Variants in SPG21 observed in about 807,000 individuals in gnomAD.
The protein encoded by SPG21 is SPG21 abhydrolase domain containing, maspardin.
A neutral mutation model predicts 38.9 loss-of-function variants in SPG21; 26 were observed. The observed-to-expected ratio is 0.67, with a 90% CI of 0.49 to 0.93. The LOEUF (loss-of-function observed/expected upper bound fraction) is 0.93. Among genes scored for constraint, SPG21 ranks in the 40% least tolerant of loss-of-function variants. SPG21 has a pLI of 0.00. For missense variants in SPG21, 333 were observed against 376.5 expected (o/e 0.88, Z 0.96); for synonymous variants, 136 against 128.9 (o/e 1.05, Z -0.37).
At chr15:64,986,759 T>C (rs868042554) in intron 1 of SPG21, among the ~76,000 whole-genome samples, 5 of 152,240 alleles carry the variant, frequency 3.3e-5, no homozygotes, top group African/African-American at 9.6e-5. Context: ...ATTTTAACTA[T>C]AGGCTTTCTC....
chr15:64,984,884 G>A (rs2085958796), intron 1 of SPG21, among the ~76,000 whole-genome samples: 1 of 151,882 alleles, frequency 6.6e-6, no homozygotes. Context: ...TGAGTAGCTG[G>A]GATTACAGGC....
intron 1 of SPG21, among the ~76,000 whole-genome samples, chr15:64,984,676 C>G (rs745751496): frequency 2.6e-5 from 4 of 151,682 alleles, no homozygotes; most frequent in Non-Finnish European, 4.4e-5. Context: ...TAAGTTAAGC[C>G]TGCTTCCTGA....
intron 7 of SPG21, among the ~76,000 whole-genome samples, chr15:64,968,387 T>C (rs2085589561): frequency 6.7e-6 from 1 of 149,708 alleles, no homozygotes; most frequent in South Asian, 2.1e-4. Flanking sequence ...GACACATGTA[T>C]AACATTTCAA....
rs751773312 is a variant in SPG21 at position 64,983,605 on chromosome 15, G to C, written c.-24-12C>G. ...AATGGAGGTTAATCCTGAAATAAAA[G>C]CATGTGATATTTCACGTCAAGAATT... On this transcript the variant is annotated splice_polypyrimidine_tract_variant and intron_variant, in intron 1 of 8. Transcript: ENST00000204566. The C allele has an allele frequency of 4.2e-6, 6 of 1,443,206 alleles. No homozygotes were observed. The highest frequency in any genetic ancestry group is 2.4e-5 in the South Asian group (2 of 82,444). The allele number at this position is 1,443,206 out of a possible 1,614,324, so 89.4% of individuals were successfully genotyped here.
rs1360643976 is a variant in SPG21 at position 64,974,718 on chromosome 15, G to C, written c.336C>G (p.Gly112=). ...ATTCAGCAAATTTCTGGGCCAAAAA[G>C]CCTCCCAAAGAAGCGCCAAAAAGAT... is the stretch of plus-strand genomic sequence containing the variant. ...KVHLFGASLG[G]FLAQKFAEYT... is the part of the protein sequence containing the mutation. Residue 112 remains glycine, a synonymous_variant, in exon 5 of 9, where the codon GGC becomes GGG. Coordinates refer to ENST00000204566, the MANE Select transcript of SPG21 (RefSeq NM_016630.7). 3.1e-6 allele frequency: 5 copies of C among 1,613,942 alleles called. No homozygotes were observed. The African/African-American group carries it at 4.0e-5, about 13-fold the overall frequency.
chr15:64,977,824 C>CT (rs771768926), intron 3 of SPG21, among the ~76,000 whole-genome samples: 6 of 151,362 alleles, frequency 4.0e-5, no homozygotes, highest in African/African-American at 9.7e-5. Flanking sequence ...CTAAGAATTC[C>CT]TTTTTTTTGT....
intron 1 of SPG21, among the ~76,000 whole-genome samples, chr15:64,986,211 C>G (rs762091962): frequency 6.6e-6 from 1 of 151,018 alleles, no homozygotes; most frequent in East Asian, 2.0e-4. Context: ...ACTAAAAATA[C>G]AAAAATTAGC....
At chr15:64,971,793 T>A (rs1469350881) in intron 5 of SPG21, among the ~76,000 whole-genome samples, 1 of 148,630 alleles carries the variant, frequency 6.7e-6, no homozygotes, top group Non-Finnish European at 1.5e-5. Flanking sequence ...AACGTGCCAC[T>A]GCACTCCAGC....
chr15:64,963,544 C>T lies in SPG21; in HGVS notation c.*76G>A, dbSNP rs1595864777. On this transcript the variant is annotated 3_prime_UTR_variant, in exon 9 of 9. Transcript: ENST00000204566. Reference sequence around the variant, plus strand: ...AGCCTGACGAACCTGAAGGAAAAGGCTGGCTGACGGGTGCTGATGCCACTG... The same window carrying T: ...AGCCTGACGAACCTGAAGGAAAAGGTTGGCTGACGGGTGCTGATGCCACTG... 4 of 1,250,680 alleles carry T rather than the reference C, an allele frequency of 3.2e-6. No individual in the cohort carries two copies. Among genetic ancestry groups the T allele is most frequent in the Non-Finnish European group, 4.7e-6 (4 of 854,570 alleles). 77.5% of individuals were successfully genotyped at this position (1,250,680 alleles called of 1,614,324 possible). A position where few individuals can be genotyped will look rare whatever the true frequency, so the allele number is the denominator to read the frequency against.
rs955263062 is a variant in SPG21, at chr15:64,980,268, G to A, written c.225+596C>T. ...GTAAAGAAGGACAACGCTTCCTACCGCTCTGAGTTGAGAGAAGGGCGTCAG... is the reference window on the plus strand; with the variant it reads ...GTAAAGAAGGACAACGCTTCCTACCACTCTGAGTTGAGAGAAGGGCGTCAG... On this transcript the variant is annotated intron_variant, in intron 3 of 8. Coordinates refer to ENST00000204566, the MANE Select transcript of SPG21 (RefSeq NM_016630.7). Among the ~76,000 whole-genome samples, 10 of 152,092 alleles carry A rather than the reference G, an allele frequency of 6.6e-5. No individual in the cohort carries two copies. The East Asian group carries it at 7.7e-4, about 12-fold the overall frequency.
intron 4 of SPG21, among the ~76,000 whole-genome samples, chr15:64,975,362 T>TA (rs1413512443): frequency 3.6e-5 from 5 of 138,352 alleles, no homozygotes; most frequent in Non-Finnish European, 7.9e-5. Flanking sequence ...AAGGCCTGTA[T>TA]ACTAAAAATA....
At chr15:64,975,188 T>C (rs2085750054) in intron 4 of SPG21, among the ~76,000 whole-genome samples, 1 of 150,338 alleles carries the variant, frequency 6.7e-6, no homozygotes, top group African/African-American at 2.5e-5. Context: ...CTCGGGAGGC[T>C]GAGGCAGCAG....
At chr15:64,974,489 G>A in intron 5 of SPG21, 113 bp downstream of exon 5, 1 of 1,300,774 alleles carries the variant, frequency 7.7e-7, no homozygotes. Context: ...AAAAAGCCAA[G>A]GAAGTTGCAG....
intron 5 of SPG21, among the ~76,000 whole-genome samples, chr15:64,972,222 TTTC>T (rs1236199898): frequency 6.6e-6 from 1 of 152,142 alleles, no homozygotes; most frequent in African/African-American, 2.4e-5. Flanking sequence ...GCCCCATCAC[TTTC>T]TTATCTTTTG....
intron 5 of SPG21, among the ~76,000 whole-genome samples, chr15:64,972,759 G>A (rs1316949595): frequency 1.3e-5 from 2 of 152,200 alleles, no homozygotes; most frequent in Non-Finnish European, 2.9e-5. Context: ...GTGAACCTGG[G>A]AGGCAGAGCT....
Position 64,980,805 on chromosome 15 carries a change from A to C in SPG21, c.225+59T>G, listed in dbSNP as rs370022244. 6.4e-4 allele frequency: 1,000 copies of C among 1,570,902 alleles called. 3 individuals are homozygous for C. Among genetic ancestry groups the C allele is most frequent in the Admixed American group, 6.9e-4 (40 of 58,314 alleles). ...ATTACTATAGCTGATGAGAGACAGAAGCATAAAAAAAAAAAAACACACAAA... is the reference window on the plus strand; with the variant it reads ...ATTACTATAGCTGATGAGAGACAGACGCATAAAAAAAAAAAAACACACAAA... On this transcript the variant is annotated intron_variant, in intron 3 of 8. Transcript: ENST00000204566.
intron 5 of SPG21, among the ~76,000 whole-genome samples, chr15:64,973,681 T>G (rs1319088247): frequency 3.3e-5 from 5 of 152,170 alleles, no homozygotes; most frequent in African/African-American, 1.2e-4. Context: ...ACTCCCGACC[T>G]CAGGTGATCC....
chr15:64,967,989 C>T (rs72740684), intron 7 of SPG21, among the ~76,000 whole-genome samples: 2,751 of 152,210 alleles, frequency 0.018, 31 homozygotes, highest in Admixed American at 0.024. Flanking sequence ...TGACCACTGA[C>T]GGATGAATGG....
chr15:64,970,576 T>A (rs1249918482), intron 5 of SPG21, among the ~76,000 whole-genome samples: 1 of 152,228 alleles, frequency 6.6e-6, no homozygotes, highest in Non-Finnish European at 1.5e-5. Flanking sequence ...AGAGAAGTAT[T>A]CTTTCCTTCT....
Sources: gnomAD v4.1 joint callset for allele counts (sites outside exome capture counted in the v4.1 genomes callset) on GRCh38, gnomAD v4.1.1 for gene constraint, MANE v1.5 for transcripts, NCBI Gene and HGNC (gene_info 2026-07-23, HGNC 2026-07-21) for gene names.